The following CBFA2T3 variants were observed in gnomAD, a reference collection of about 807,000 sequenced individuals.
CBFA2T3 encodes the protein transcriptional corepressor CBFA2T3.
In CBFA2T3, 31 loss-of-function variants were observed where a neutral mutation model predicts 58.6. That is an observed-to-expected ratio of 0.53 (90% CI 0.40 to 0.71). The LOEUF is 0.71. Among genes scored for constraint, CBFA2T3 ranks in the 30% least tolerant of loss-of-function variants. CBFA2T3 has a pLI of 0.00. For synonymous variants in CBFA2T3, 531 were observed against 421.9 expected (o/e 1.26, Z -3.17); for missense variants, 1,076 against 963.1 (o/e 1.12, Z -1.55).
At position 88,977,048 on chromosome 16, in the gene CBFA2T3, C is replaced by A; in HGVS notation, c.-241G>T. 1 of 454,516 alleles carries A rather than the reference C, an allele frequency of 2.2e-6. No homozygotes were observed. The highest frequency in any genetic ancestry group is 3.2e-5 in the East Asian group (1 of 31,038). 28.2% of individuals were successfully genotyped at this position (454,516 alleles called of 1,614,324 possible). On this transcript the variant is annotated 5_prime_UTR_variant, in exon 1 of 12. Transcript: ENST00000268679. ...GTGACGCGGGGCGGGCCTGGGGCTG[C>A]AGGCTGGGGAAGGTCTCCCTGCAGC...
chr16:88,921,907 A>T (rs952433438), intron 1 of CBFA2T3, among the ~76,000 whole-genome samples: 10 of 152,048 alleles, frequency 6.6e-5, no homozygotes, highest in Non-Finnish European at 1.2e-4. Context: ...GGGACGCCTC[A>T]CCCCGTCTCA....
At chr16:88,903,438 G>T (rs954131775) in intron 1 of CBFA2T3, among the ~76,000 whole-genome samples, 2 of 152,112 alleles carry the variant, frequency 1.3e-5, no homozygotes, top group African/African-American at 4.8e-5. Flanking sequence ...AGGCCTCGCG[G>T]CACCTGCTGT....
At chr16:88,889,579 G>GA (rs140980541) in intron 5 of CBFA2T3, among the ~76,000 whole-genome samples, 2 of 152,064 alleles carry the variant, frequency 1.3e-5, no homozygotes, top group East Asian at 1.9e-4. Flanking sequence ...TACCTGGGGG[G>GA]AACCCAGAGC....
chr16:88,963,262 CA>C (rs902009688), intron 1 of CBFA2T3, among the ~76,000 whole-genome samples: 17 of 149,210 alleles, frequency 1.1e-4, no homozygotes, highest in African/African-American at 4.2e-4. Flanking sequence ...CATCTTCTGC[CA>C]GGGGTGGGCG....
intron 1 of CBFA2T3, among the ~76,000 whole-genome samples, chr16:88,918,217 C>T (rs9939051): frequency 0.013 from 2,029 of 152,360 alleles, 44 homozygotes; most frequent in African/African-American, 0.047. Flanking sequence ...AATGCAAACA[C>T]GCGCACAAAT....
chr16:88,925,746 T>C (rs1971065785), intron 1 of CBFA2T3, among the ~76,000 whole-genome samples: 1 of 152,172 alleles, frequency 6.6e-6, no homozygotes, highest in Non-Finnish European at 1.5e-5. Flanking sequence ...CCCCTGCGTG[T>C]GTGGAGATGG....
At chr16:88,964,914 A>T (rs1972458103) in intron 1 of CBFA2T3, among the ~76,000 whole-genome samples, 1 of 2,516 alleles carries the variant, frequency 4.0e-4, no homozygotes, top group East Asian at 0.029. Flanking sequence ...CCACTTATCC[A>T]TCCATCCATC....
At chr16:88,938,716 C>T (rs1971596750) in intron 1 of CBFA2T3, 1 of 152,248 alleles carries the variant, frequency 6.6e-6, no homozygotes, top group Admixed American at 6.5e-5. Flanking sequence ...ACCCGCGTGG[C>T]ACACACGGCA....
At chr16:88,887,394 G>C (rs546665924) in intron 5 of CBFA2T3, among the ~76,000 whole-genome samples, 1 of 152,126 alleles carries the variant, frequency 6.6e-6, no homozygotes, top group Non-Finnish European at 1.5e-5. Flanking sequence ...TGGTCAGTTC[G>C]GGAACCGGCT....
At chr16:88,882,175 C>T (rs1969112691) in intron 8 of CBFA2T3, among the ~76,000 whole-genome samples, 1 of 152,226 alleles carries the variant, frequency 6.6e-6, no homozygotes, top group South Asian at 2.1e-4. Flanking sequence ...GCAGGGACGG[C>T]GCAGGCCACA....
At chr16:88,881,085 C>T in intron 9 of CBFA2T3, 1 of 715,214 alleles carries the variant, frequency 1.4e-6, no homozygotes, top group Non-Finnish European at 2.5e-6. Context: ...CCTCCCAGCT[C>T]CGAGCCTCTG....
At chr16:88,923,132 G>A (rs750402371) in intron 1 of CBFA2T3, among the ~76,000 whole-genome samples, 23 of 152,220 alleles carry the variant, frequency 1.5e-4, no homozygotes, top group Non-Finnish European at 2.2e-4. Context: ...ACGCGGGGGA[G>A]TTTGTGATGT....
intron 1 of CBFA2T3, among the ~76,000 whole-genome samples, chr16:88,970,353 G>A (rs1348601513): frequency 1.3e-5 from 2 of 152,184 alleles, no homozygotes; most frequent in Admixed American, 1.3e-4. Context: ...TCAGCTGAGG[G>A]CGCGGCTCTC....
At chr16:88,882,653 C>CGTGGCTGTGTGTGG in intron 8 of CBFA2T3, 23 bp downstream of exon 8, 1 of 1,498,828 alleles carries the variant, frequency 6.7e-7, no homozygotes, top group South Asian at 1.2e-5. Flanking sequence ...GCTGTGTGGG[C>CGTGGCTGTGTGTGG]GTGGCTGTGT....
At chr16:88,943,055 C>T (rs769718118) in intron 1 of CBFA2T3, among the ~76,000 whole-genome samples, 1 of 152,228 alleles carries the variant, frequency 6.6e-6, no homozygotes, top group Non-Finnish European at 1.5e-5. Flanking sequence ...TAAGATGCAC[C>T]ATTATTTTGT....
chr16:88,921,724 T>C (rs1970927706), intron 1 of CBFA2T3, among the ~76,000 whole-genome samples: 1 of 152,238 alleles, frequency 6.6e-6, no homozygotes, highest in African/African-American at 2.4e-5. Flanking sequence ...TCCTGTCAGC[T>C]GCCATTTCCT....
rs990667639 is a variant in CBFA2T3, at chr16:88,875,727, C to G, written c.*1249G>C. 4.3e-6 allele frequency: 1 copy of G among 233,292 alleles called. No individual in the cohort carries two copies. Among genetic ancestry groups the G allele is most frequent in the Admixed American group, 5.6e-5 (1 of 17,756 alleles). The allele number at this position is 233,292 out of a possible 1,614,324, so 14.5% of individuals were successfully genotyped here. A position where few individuals can be genotyped will look rare whatever the true frequency, so the allele number is the denominator to read the frequency against. Reference sequence around the variant, plus strand: ...GGGAGGCCTGCTGGCTCCGCATGCTCGAAAAGCAGTCGAGAATCAACCCAA... The same window carrying G: ...GGGAGGCCTGCTGGCTCCGCATGCTGGAAAAGCAGTCGAGAATCAACCCAA... On this transcript the variant is annotated 3_prime_UTR_variant, in exon 12 of 12. Transcript: ENST00000268679.
At position 88,881,315 on chromosome 16, in the gene CBFA2T3, C is replaced by A; in HGVS notation, c.1378G>T (p.Ala460Ser). 6.3e-7 allele frequency: 1 copy of A among 1,589,464 alleles called. No homozygotes were observed. Among genetic ancestry groups the A allele is most frequent in the Non-Finnish European group, 8.6e-7 (1 of 1,168,966 alleles). ...CCTAGCTGAGGCCCTTCGGGACCGG[C>A]GGAGCTGCTGCGGGGCCGGGCCGCG... The part of the protein sequence containing the change: ...PAAARPRSSS[A>S]GPEGPQLDVP... Residue 460 changes from alanine to serine, a missense_variant, in exon 9 of 12, where the codon GCC becomes TCC. Physicochemically the swap from Ala to Ser is moderately conservative, Grantham distance 99. Coordinates refer to ENST00000268679, the MANE Select transcript of CBFA2T3 (RefSeq NM_005187.6).
chr16:88,965,049 A>G (rs1972463522), intron 1 of CBFA2T3, among the ~76,000 whole-genome samples: 4 of 146,978 alleles, frequency 2.7e-5, no homozygotes, highest in Admixed American at 2.0e-4. Flanking sequence ...CCATCCATCC[A>G]TCCATCCACC....
Sources: gnomAD v4.1 joint callset for allele counts (sites outside exome capture counted in the v4.1 genomes callset) on GRCh38, gnomAD v4.1.1 for gene constraint, MANE v1.5 for transcripts, NCBI Gene and HGNC (gene_info 2026-07-23, HGNC 2026-07-21) for gene names.